Variants in SGCG observed in about 807,000 individuals in gnomAD.
The protein encoded by SGCG is gamma-sarcoglycan.
Under a neutral mutation model 29.3 loss-of-function variants are expected in SGCG, and 26 were observed. The ratio of observed to expected loss-of-function variants is 0.89; its 90% confidence interval spans 0.65 to 1.23. The LOEUF is 1.23. SGCG is among the 50% of genes most tolerant of loss of function. The pLI, the probability that SGCG is intolerant of heterozygous loss-of-function variation, is 0.00. For missense variants in SGCG, 353 were observed against 356.0 expected (o/e 0.99, Z 0.07); for synonymous variants, 145 against 129.7 (o/e 1.12, Z -0.80).
At chr13:23,310,392 C>T (rs924955434) in intron 6 of SGCG, among the ~76,000 whole-genome samples, 1 of 152,072 alleles carries the variant, frequency 6.6e-6, no homozygotes, top group African/African-American at 2.4e-5. Flanking sequence ...GGCCTGAATT[C>T]TTCCTTTTAA....
rs1408311582 is a variant in SGCG at position 23,234,730 on chromosome 13, C to T, written c.297+18C>T. On this transcript the variant is annotated intron_variant, in intron 3 of 7. Transcript: ENST00000218867. ...CCAGAGTGGTAAGAAAATGTTAAGA[C>T]AAATAATTTGTGCTTTATGAAAAAT... 2.1e-6 allele frequency: 3 copies of T among 1,456,164 alleles called. No individual in the cohort carries two copies. In the African/African-American group the frequency reaches 4.2e-5, roughly 20 times the overall value. 90.2% of individuals were successfully genotyped at this position (1,456,164 alleles called of 1,614,324 possible).
rs190705767 is a variant in SGCG at position 23,205,732 on chromosome 13, C to T, written c.195+1843C>T. 5.7e-4 allele frequency among the ~76,000 whole-genome samples: 87 copies of T among 152,132 alleles called. 1 individual carries two copies. Among genetic ancestry groups the T allele is most frequent in the African/African-American group, 1.9e-3 (79 of 41,502 alleles). The stretch of plus-strand genomic sequence containing the variant: ...CCCACAGAGATCAGCACAGCCTTTC[C>T]GGCCATCACTGCAGCTGCCCATCCC... On this transcript the variant is annotated intron_variant, in intron 2 of 7. Transcript: ENST00000218867.
At chr13:23,232,925 G>C (rs772902055) in intron 2 of SGCG, among the ~76,000 whole-genome samples, 1 of 152,198 alleles carries the variant, frequency 6.6e-6, no homozygotes, top group African/African-American at 2.4e-5. Flanking sequence ...AATACCAAGT[G>C]TTAGGGAGGA....
chr13:23,161,555 C>T, the SGCG span, among the ~76,000 whole-genome samples: 119 of 152,262 alleles, frequency 7.8e-4, no homozygotes, highest in African/African-American at 2.8e-3. Flanking sequence ...GCTTTTCTTC[C>T]TTTGATATGA....
intron 5 of SGCG, among the ~76,000 whole-genome samples, chr13:23,285,444 T>G (rs1881461623): frequency 6.6e-6 from 1 of 152,144 alleles, no homozygotes; most frequent in South Asian, 2.1e-4. Flanking sequence ...TCAGTAATGG[T>G]GGACGCCCCT....
intron 4 of SGCG, among the ~76,000 whole-genome samples, chr13:23,254,798 C>T (rs961321661): frequency 6.6e-6 from 1 of 152,200 alleles, no homozygotes; most frequent in African/African-American, 2.4e-5. Context: ...CACAGCTGCT[C>T]TAGCTCCAGC....
chr13:23,297,468 A>G (rs1167445103), intron 6 of SGCG, among the ~76,000 whole-genome samples: 1 of 152,144 alleles, frequency 6.6e-6, no homozygotes, highest in African/African-American at 2.4e-5. Context: ...TATTAGATTA[A>G]CAAAAAGTAT....
chr13:23,162,742 A>G, the SGCG span, among the ~76,000 whole-genome samples: 44 of 152,242 alleles, frequency 2.9e-4, 1 homozygote, highest in African/African-American at 1.0e-3. Flanking sequence ...GAGGCAGGAG[A>G]ATCACTTGAA....
At chr13:23,277,727 C>G (rs1437418117) in intron 4 of SGCG, among the ~76,000 whole-genome samples, 27 of 130,680 alleles carry the variant, frequency 2.1e-4, no homozygotes, top group African/African-American at 7.7e-4. Context: ...GAGAGGTAGT[C>G]TCACTCTGTC....
At chr13:23,299,454 A>AT (rs1882057854) in intron 6 of SGCG, among the ~76,000 whole-genome samples, 1 of 42,670 alleles carries the variant, frequency 2.3e-5, no homozygotes, top group African/African-American at 7.6e-5. Flanking sequence ...ATATATATAT[A>AT]TATTTTTTTT....
At chr13:23,202,160 G>T (rs1385791240) in intron 1 of SGCG, among the ~76,000 whole-genome samples, 1 of 152,224 alleles carries the variant, frequency 6.6e-6, no homozygotes, top group Non-Finnish European at 1.5e-5. Flanking sequence ...TGAAGCCAAA[G>T]ACATCAGCGA....
upstream of SGCG, among the ~76,000 whole-genome samples, chr13:23,176,280 A>G (rs1876552849): frequency 6.6e-6 from 1 of 152,176 alleles, no homozygotes; most frequent in Non-Finnish European, 1.5e-5. Flanking sequence ...GGCTCACTAC[A>G]TGTAGACATT....
At chr13:23,200,282 G>A (rs1877688700) in intron 1 of SGCG, among the ~76,000 whole-genome samples, 1 of 152,146 alleles carries the variant, frequency 6.6e-6, no homozygotes, top group African/African-American at 2.4e-5. Flanking sequence ...AATTAGCTGG[G>A]CGTGGTGGCA....
intron 6 of SGCG, among the ~76,000 whole-genome samples, chr13:23,308,123 T>C (rs1207452542): frequency 6.6e-6 from 1 of 152,234 alleles, no homozygotes; most frequent in Admixed American, 6.5e-5. Flanking sequence ...ATTTGGCCAG[T>C]ATGAAAGTTA....
chr13:23,222,095 G>A (rs1878693134), intron 2 of SGCG, among the ~76,000 whole-genome samples: 1 of 152,196 alleles, frequency 6.6e-6, no homozygotes, highest in South Asian at 2.1e-4. Context: ...TTTTGGCCTA[G>A]ATGTTTCCCC....
chr13:23,177,575 T>TTTC (rs1174278964), upstream of SGCG, among the ~76,000 whole-genome samples: 1 of 141,034 alleles, frequency 7.1e-6, no homozygotes, highest in African/African-American at 2.7e-5. Context: ...AGGCTTTTTT[T>TTTC]TTTTTTTTTT....
At chr13:23,260,876 T>C (rs984971209) in intron 4 of SGCG, among the ~76,000 whole-genome samples, 3 of 152,192 alleles carry the variant, frequency 2.0e-5, no homozygotes, top group Non-Finnish European at 4.4e-5. Context: ...CACACTCTTC[T>C]GGCTTGTAGA....
chr13:23,236,445 A>G lies in SGCG; in HGVS notation c.297+1733A>G, dbSNP rs560979090. On this transcript the variant is annotated intron_variant, in intron 3 of 7. Transcript: ENST00000218867. ...GTAATCCCAGCACTTTGGGAGGCCGAGGCGGGCAGATCACAAGGTCAGGAG... is the reference window on the plus strand; with the variant it reads ...GTAATCCCAGCACTTTGGGAGGCCGGGGCGGGCAGATCACAAGGTCAGGAG... 9.1e-3 allele frequency among the ~76,000 whole-genome samples: 1,385 copies of G among 152,290 alleles called. 24 individuals are homozygous for G. The highest frequency in any genetic ancestry group is 0.032 in the African/African-American group (1,314 of 41,554).
At chr13:23,233,056 G>T (rs1029573385) in intron 2 of SGCG, among the ~76,000 whole-genome samples, 6 of 152,234 alleles carry the variant, frequency 3.9e-5, no homozygotes, top group African/African-American at 1.4e-4. Context: ...GATCAATTCT[G>T]CTTTTGGCTC....
Sources: gnomAD v4.1 joint callset for allele counts (sites outside exome capture counted in the v4.1 genomes callset) on GRCh38, gnomAD v4.1.1 for gene constraint, MANE v1.5 for transcripts, NCBI Gene and HGNC (gene_info 2026-07-23, HGNC 2026-07-21) for gene names.